IGF1: variants seen among roughly 807,000 people sequenced by gnomAD.
The protein encoded by IGF1 is insulin like growth factor 1, also known as insulin-like growth factor 1.
Under a neutral mutation model 13.8 loss-of-function variants are expected in IGF1, and 4 were observed. That is an observed-to-expected ratio of 0.29 (90% CI 0.14 to 0.66). The LOEUF (loss-of-function observed/expected upper bound fraction) is 0.66. Among genes scored for constraint, IGF1 ranks in the 30% least tolerant of loss-of-function variants. The pLI is 0.78. For missense variants in IGF1, 124 were observed against 188.5 expected, an observed-to-expected ratio of 0.66 and a Z score of 2.00; for synonymous variants, 76 against 72.6, an observed-to-expected ratio of 1.05 and a Z score of -0.23.
chr12:102,433,020 G>A (rs926124835), intron 2 of IGF1, among the ~76,000 whole-genome samples: 4 of 152,132 alleles, frequency 2.6e-5, no homozygotes, highest in Non-Finnish European at 5.9e-5. Flanking sequence ...GGGAGTGGGA[G>A]AGTTTGCATC....
intron 2 of IGF1, among the ~76,000 whole-genome samples, chr12:102,421,182 C>G (rs1875682231): frequency 1.3e-5 from 2 of 152,100 alleles, no homozygotes; most frequent in African/African-American, 4.8e-5. Flanking sequence ...ATTCTTAGGG[C>G]AGCTGGAGGT....
At chr12:102,429,450 A>G (rs1335226127) in intron 2 of IGF1, among the ~76,000 whole-genome samples, 1 of 151,920 alleles carries the variant, frequency 6.6e-6, no homozygotes, top group African/African-American at 2.4e-5. Flanking sequence ...TAGCCATTGC[A>G]CTCCTCCCAA....
At position 102,454,238 on chromosome 12, in the gene IGF1, G is replaced by A. The variant is rs369735780; in HGVS notation, c.220+21405C>T. Among the ~76,000 whole-genome samples, 16 of 152,312 alleles carry A rather than the reference G, an allele frequency of 1.1e-4. 1 individual carries two copies. The highest frequency in any genetic ancestry group is 1.3e-4 in the Admixed American group (2 of 15,298). On this transcript the variant is annotated intron_variant, in intron 2 of 3. Transcript: ENST00000337514. ...TTAAACACATGATGTGACTTCCAGA[G>A]AAACATGAGTACTCTCACAGCACTT...
chr12:102,439,718 G>GA (rs5800511), intron 2 of IGF1, among the ~76,000 whole-genome samples: 106,041 of 138,436 alleles, frequency 0.77, 40,293 homozygotes, highest in Admixed American at 0.83. Flanking sequence ...CTAGGAGAAG[G>GA]AAAAAAAAAA....
intron 2 of IGF1, among the ~76,000 whole-genome samples, chr12:102,441,915 C>CCTTCTTCTTCTCTTCTT (rs1877799766): frequency 8.2e-6 from 1 of 122,140 alleles, no homozygotes; most frequent in South Asian, 2.8e-4. Context: ...TGCTTCTTCT[C>CCTTCTTCTTCTCTTCTT]CTTCTTCTTC....
At chr12:102,403,417 C>T (rs530608485) in intron 3 of IGF1, among the ~76,000 whole-genome samples, 1 of 151,784 alleles carries the variant, frequency 6.6e-6, no homozygotes, top group East Asian at 1.9e-4. Flanking sequence ...TTGGTGTTAA[C>T]ATTCACTCAT....
intron 2 of IGF1, among the ~76,000 whole-genome samples, chr12:102,473,164 C>T (rs1255040774): frequency 6.6e-6 from 1 of 152,146 alleles, no homozygotes; most frequent in East Asian, 1.9e-4. Context: ...TCAAGAAGCC[C>T]ATTGACAGGG....
chr12:102,403,537 A>T (rs917648964), intron 3 of IGF1, among the ~76,000 whole-genome samples: 1 of 150,928 alleles, frequency 6.6e-6, no homozygotes, highest in East Asian at 1.9e-4. Context: ...GGTCACTGCA[A>T]CCTCTGCCTC....
At chr12:102,450,315 A>C (rs1878805679) in intron 2 of IGF1, among the ~76,000 whole-genome samples, 1 of 152,258 alleles carries the variant, frequency 6.6e-6, no homozygotes, top group Non-Finnish European at 1.5e-5. Context: ...AGAGAGTAGC[A>C]TAAAGAGCTA....
At chr12:102,456,065 G>A (rs1879363102) in intron 2 of IGF1, among the ~76,000 whole-genome samples, 1 of 152,146 alleles carries the variant, frequency 6.6e-6, no homozygotes, top group South Asian at 2.1e-4. Context: ...GGAACCATAT[G>A]TACATGGTAA....
At chr12:102,470,314 G>T (rs1880604904) in intron 2 of IGF1, among the ~76,000 whole-genome samples, 1 of 152,172 alleles carries the variant, frequency 6.6e-6, no homozygotes, top group Non-Finnish European at 1.5e-5. Flanking sequence ...CCATGCCCTT[G>T]GTCTTGAACC....
At chr12:102,481,368 T>C (rs991483600), upstream of IGF1, among the ~76,000 whole-genome samples, 1 of 151,636 alleles carries the variant, frequency 6.6e-6, no homozygotes, top group Admixed American at 6.6e-5. Flanking sequence ...TGTGTGTGTG[T>C]GTGTGTGTGT....
At chr12:102,419,838 G>C (rs1875543180) in intron 2 of IGF1, 148 bp from the exon 3 acceptor site, 1 of 753,526 alleles carries the variant, frequency 1.3e-6, no homozygotes, top group Non-Finnish European at 2.3e-6. Context: ...AATGATTCCT[G>C]ACCCCACGTA....
Position 102,419,618 on chromosome 12 carries a change from C to T in IGF1, c.293G>A (p.Arg98Gln), listed in dbSNP as rs1316717107. ...QTGIVDECCFRSCDLRRLEMY... is the reference protein window; with the variant it reads ...QTGIVDECCFQSCDLRRLEMY... The stretch of plus-strand genomic sequence containing the variant: ...CTCCAGCCTCCTTAGATCACAGCTC[C>T]GGAAGCAGCACTCATCCACGATGCC... Residue 98 changes from arginine (R) to glutamine (Q), a missense_variant, in exon 3 of 4, where the codon CGG (arginine) becomes CAG (glutamine). Transcript: ENST00000337514. 1.4e-5 allele frequency: 22 copies of T among 1,613,586 alleles called. No homozygotes were observed. The highest frequency in any genetic ancestry group is 4.0e-5 in the African/African-American group (3 of 74,894).
intron 2 of IGF1, among the ~76,000 whole-genome samples, chr12:102,471,447 GA>G (rs1406907207): frequency 1.3e-5 from 2 of 152,132 alleles, no homozygotes; most frequent in Non-Finnish European, 2.9e-5. Flanking sequence ...TATATCAAAG[GA>G]AAGAAGCTTG....
At chr12:102,429,571 T>C (rs1277783992) in intron 2 of IGF1, among the ~76,000 whole-genome samples, 2 of 152,224 alleles carry the variant, frequency 1.3e-5, no homozygotes, top group South Asian at 4.1e-4. Context: ...AGCTAAATCA[T>C]GTTCTCATCT....
Position 102,399,107 on chromosome 12 carries a change from ATGTG to A in IGF1, c.*3396_*3399del, listed in dbSNP as rs3032446. On this transcript the variant is annotated 3_prime_UTR_variant, in exon 4 of 4. Coordinates refer to ENST00000337514, the MANE Select transcript of IGF1 (RefSeq NM_000618.5). ...GTATTCCATTGGATCCTTAGGGTGA[ATGTG>A]TGTGTGTGTGTGTGTGTGTGTGTGT... 1,882 of 137,736 alleles carry A rather than the reference ATGTG, an allele frequency of 0.014. 10 individuals are homozygous for A. The highest frequency in any genetic ancestry group is 0.018 in the Admixed American group (239 of 13,566). The allele number at this position is 137,736 out of a possible 1,614,324, so 8.5% of individuals were successfully genotyped here. A position where few individuals can be genotyped will look rare whatever the true frequency, so the allele number is the denominator to read the frequency against.
At chr12:102,427,394 T>C (rs188698902) in intron 2 of IGF1, among the ~76,000 whole-genome samples, 19 of 152,298 alleles carry the variant, frequency 1.2e-4, no homozygotes, top group Admixed American at 1.3e-4. Context: ...AACGCCCTCT[T>C]TCTGGTGCCA....
intron 2 of IGF1, among the ~76,000 whole-genome samples, chr12:102,455,798 C>A (rs924742035): frequency 3.9e-5 from 6 of 152,172 alleles, no homozygotes; most frequent in African/African-American, 1.4e-4. Context: ...TTGAACCTGG[C>A]AGTCAGCTTG....
Sources: allele counts gnomAD v4.1 joint callset (sites outside exome capture counted in the v4.1 genomes callset), GRCh38; gene constraint gnomAD v4.1.1; transcripts MANE v1.5; gene names NCBI Gene and HGNC (gene_info 2026-07-23, HGNC 2026-07-21).